Variants in HERC3 observed in about 807,000 individuals in gnomAD.
The protein encoded by HERC3 is probable E3 ubiquitin-protein ligase HERC3.
HERC3 carries 58 observed loss-of-function variants against 129.9 expected under a neutral mutation model. The observed-to-expected ratio is 0.45, with a 90% CI of 0.36 to 0.56. HERC3 has a LOEUF of 0.56. Ranked by LOEUF, HERC3 falls within the 20% of genes least tolerant of loss-of-function variation. The pLI is 0.00. For synonymous variants in HERC3, 430 were observed against 451.0 expected (o/e 0.95, Z 0.59); for missense variants, 835 against 1,244.2 (o/e 0.67, Z 4.95).
chr4:88,665,066 G>A (rs1328108682), intron 12 of HERC3, among the ~76,000 whole-genome samples: 1 of 152,230 alleles, frequency 6.6e-6, no homozygotes. Flanking sequence ...CTTCATTTCT[G>A]TGTGTGAATC....
At chr4:88,634,783 G>T (rs901303854) in intron 3 of HERC3, among the ~76,000 whole-genome samples, 5 of 151,568 alleles carry the variant, frequency 3.3e-5, no homozygotes, top group Non-Finnish European at 7.4e-5. Context: ...GAGGTCAGAG[G>T]TCCCAGAGGA....
intron 2 of HERC3, among the ~76,000 whole-genome samples, chr4:88,602,897 T>C (rs1482564942): frequency 1.3e-5 from 2 of 152,250 alleles, no homozygotes; most frequent in African/African-American, 4.8e-5. Flanking sequence ...GTTTAGGTTC[T>C]CTTATCATGC....
intron 23 of HERC3, among the ~76,000 whole-genome samples, chr4:88,699,783 C>T (rs1055161945): frequency 3.9e-5 from 6 of 152,124 alleles, no homozygotes; most frequent in Admixed American, 2.6e-4. Flanking sequence ...TTTTTATTTT[C>T]CTGTCTCAAC....
chr4:88,702,881 A>G (rs529234142), intron 23 of HERC3, among the ~76,000 whole-genome samples: 8 of 152,280 alleles, frequency 5.3e-5, no homozygotes, highest in South Asian at 2.1e-4. Context: ...GAATATTCCT[A>G]TGGACAATGG....
At chr4:88,652,185 T>A in intron 5 of HERC3, 97 bp downstream of exon 5, 1 of 924,638 alleles carries the variant, frequency 1.1e-6, no homozygotes, top group Non-Finnish European at 1.8e-6. Flanking sequence ...AACTTTGAAT[T>A]AACTGGTTAG....
chr4:88,663,000 GAAA>G (rs74872768), intron 11 of HERC3, among the ~76,000 whole-genome samples: 6 of 127,340 alleles, frequency 4.7e-5, no homozygotes. Flanking sequence ...GAGTCATGTA[GAAA>G]AAAAAAAAAA....
chr4:88,618,460 T>C (rs1725162944), intron 3 of HERC3, among the ~76,000 whole-genome samples: 2 of 152,254 alleles, frequency 1.3e-5, no homozygotes, highest in South Asian at 2.1e-4. Flanking sequence ...TCCTTTCTTC[T>C]CTACCCTTCT....
chr4:88,653,063 G>C lies in HERC3; in HGVS notation c.658G>C (p.Gly220Arg). 1 of 1,614,142 alleles carries C rather than the reference G, an allele frequency of 6.2e-7. No individual in the cohort carries two copies. Among genetic ancestry groups the C allele is most frequent in the Non-Finnish European group, 8.5e-7 (1 of 1,180,014 alleles). ...AVFGWGMNNA[G>R]QLGLSDEKDR... ...TTTTGGCTGGGGGATGAATAATGCCGGGCAGCTAGGGCTCAGTGATGAAAA... is the reference window on the plus strand; with the variant it reads ...TTTTGGCTGGGGGATGAATAATGCCCGGCAGCTAGGGCTCAGTGATGAAAA... Residue 220 changes from glycine to arginine, a missense_variant, in exon 6 of 26, where the codon GGG becomes CGG. Transcript: ENST00000402738.
the HERC3 span, among the ~76,000 whole-genome samples, chr4:88,582,144 A>G: frequency 1.3e-5 from 2 of 152,226 alleles, no homozygotes; most frequent in Admixed American, 1.3e-4. Flanking sequence ...TAAGCAATTT[A>G]TTTAGATAAC....
chr4:88,592,464 C>T (rs1384387621), upstream of HERC3: 1 of 152,370 alleles, frequency 6.6e-6, no homozygotes, highest in East Asian at 1.9e-4. Context: ...CGCCCGCAGG[C>T]TTGCGGGGAA....
intron 2 of HERC3, among the ~76,000 whole-genome samples, chr4:88,603,732 G>A (rs1481453979): frequency 1.3e-5 from 2 of 152,124 alleles, no homozygotes; most frequent in African/African-American, 2.4e-5. Flanking sequence ...TCTGATCAAA[G>A]CATTAGATAA....
At chr4:88,527,011 A>C in the HERC3 span, 1 of 152,232 alleles carries the variant, frequency 6.6e-6, no homozygotes, top group African/African-American at 2.4e-5. Flanking sequence ...ATAGTAAAGT[A>C]GTAATGCTAG....
intron 12 of HERC3, among the ~76,000 whole-genome samples, chr4:88,666,329 G>A (rs1461445859): frequency 3.3e-5 from 5 of 152,092 alleles, no homozygotes; most frequent in East Asian, 1.9e-4. Context: ...CAATAAATAC[G>A]TATAGATAAA....
chr4:88,577,605 G>GTATATATATATATATATATATATA, the HERC3 span, among the ~76,000 whole-genome samples: 1,971 of 131,646 alleles, frequency 0.015, 26 homozygotes, highest in South Asian at 0.02. Flanking sequence ...GTATGTGTGT[G>GTATATATATATATATATATATATA]TATATATATA....
chr4:88,616,383 AC>A (rs1724900429), intron 3 of HERC3, among the ~76,000 whole-genome samples: 1 of 152,202 alleles, frequency 6.6e-6, no homozygotes, highest in Admixed American at 6.5e-5. Context: ...ACTGTGGTAC[AC>A]CAGGGACTAC....
At chr4:88,628,443 T>C (rs144327880) in intron 3 of HERC3, among the ~76,000 whole-genome samples, 1 of 152,266 alleles carries the variant, frequency 6.6e-6, no homozygotes, top group African/African-American at 2.4e-5. Context: ...GGTTTTTTTT[T>C]AAAAGGCAGC....
chr4:88,660,581 T>C (rs939087660), intron 10 of HERC3, among the ~76,000 whole-genome samples: 2 of 152,180 alleles, frequency 1.3e-5, no homozygotes, highest in Admixed American at 6.5e-5. Context: ...GAAGGAGTTA[T>C]ATTCAGATAC....
chr4:88,697,695 C>T (rs760684633), intron 23 of HERC3: 4 of 1,612,066 alleles, frequency 2.5e-6, no homozygotes, highest in Admixed American at 3.3e-5. Context: ...CTGCCGCTGC[C>T]TCCGCCGCTG....
At chr4:88,559,646 C>A in the HERC3 span, among the ~76,000 whole-genome samples, 1 of 152,224 alleles carries the variant, frequency 6.6e-6, no homozygotes, top group Admixed American at 6.5e-5. Flanking sequence ...AATAATTGTC[C>A]TTTGTATTTG....
Sources: gnomAD v4.1 joint callset for allele counts (sites outside exome capture counted in the v4.1 genomes callset) on GRCh38, gnomAD v4.1.1 for gene constraint, MANE v1.5 for transcripts, NCBI Gene and HGNC (gene_info 2026-07-23, HGNC 2026-07-21) for gene names.